Variants in ELAPOR1 observed in about 807,000 individuals in gnomAD.
ELAPOR1 encodes the protein endosome-lysosome associated apoptosis and autophagy regulator 1, also known as endosome/lysosome-associated apoptosis and autophagy regulator 1.
ELAPOR1 carries 77 observed loss-of-function variants against 119.7 expected under a neutral mutation model. The ratio of observed to expected loss-of-function variants is 0.64; its 90% CI spans 0.54 to 0.78. The LOEUF (loss-of-function observed/expected upper bound fraction) is 0.78. ELAPOR1 is among the 30% of genes least tolerant of loss of function. The probability of loss-of-function intolerance (pLI) is 0.00; values close to 1 mark genes in which losing one functional copy is unlikely to be tolerated. For synonymous variants in ELAPOR1, 481 were observed against 487.2 expected, an observed-to-expected ratio of 0.99 and a Z score of 0.17; for missense variants, 1,115 against 1,270.4, an observed-to-expected ratio of 0.88 and a Z score of 1.86.
chr1:109,144,080 A>G, intron 1 of ELAPOR1, among the ~76,000 whole-genome samples: 1 of 54,326 alleles, frequency 1.8e-5, no homozygotes, highest in Non-Finnish European at 3.5e-5. Context: ...TTTTTTTGAG[A>G]TGGAGTTTCG....
intron 7 of ELAPOR1, among the ~76,000 whole-genome samples, chr1:109,174,564 G>A (rs1652144853): frequency 6.6e-6 from 1 of 151,532 alleles, no homozygotes; most frequent in South Asian, 2.1e-4. Context: ...ACATTCGGGG[G>A]TGGGGGGAAG....
intron 19 of ELAPOR1, 24 bp downstream of exon 19, chr1:109,200,004 C>A: frequency 6.2e-7 from 1 of 1,613,844 alleles, no homozygotes; most frequent in African/African-American, 1.3e-5. Context: ...TGATCGGGCA[C>A]TTCCATGAGA....
intron 1 of ELAPOR1, among the ~76,000 whole-genome samples, chr1:109,153,004 A>G (rs1650634364): frequency 6.6e-6 from 1 of 151,494 alleles, no homozygotes; most frequent in South Asian, 2.1e-4. Flanking sequence ...ATGAAAAATG[A>G]CAGTCTCATG....
chr1:109,195,503 A>ACC (rs1653734866), intron 15 of ELAPOR1, among the ~76,000 whole-genome samples: 1 of 151,438 alleles, frequency 6.6e-6, no homozygotes. Flanking sequence ...CAAAAAAAAA[A>ACC]AAAAACAAAA....
intron 7 of ELAPOR1, among the ~76,000 whole-genome samples, chr1:109,178,981 T>C (rs1280153538): frequency 1.4e-5 from 2 of 142,950 alleles, no homozygotes; most frequent in Non-Finnish European, 1.5e-5. Context: ...AAAAAGAATG[T>C]AGTGGAGGCA....
At position 109,161,960 on chromosome 1, in the gene ELAPOR1, C is replaced by T; in HGVS notation, c.220C>T (p.His74Tyr). Reference protein sequence around the residue: ...TGSRWRVAVPHTPGLCTSLPD... With the variant: ...TGSRWRVAVPYTPGLCTSLPD... Reference sequence around the variant, plus strand: ...TTCCAGGTGGAGGGTCGCCGTGCCGCATACCCCGGGCCTGTGCACCAGCCT... The same window carrying T: ...TTCCAGGTGGAGGGTCGCCGTGCCGTATACCCCGGGCCTGTGCACCAGCCT... Residue 74 changes from histidine to tyrosine, a missense_variant, in exon 2 of 22, where the codon CAT becomes TAT. Coordinates refer to ENST00000369939, the MANE Select transcript of ELAPOR1 (RefSeq NM_020775.5). The T allele has an allele frequency of 1.9e-6, 3 of 1,614,058 alleles. No homozygotes were observed. The highest frequency in any genetic ancestry group is 2.5e-6 in the Non-Finnish European group (3 of 1,179,936).
intron 1 of ELAPOR1, among the ~76,000 whole-genome samples, chr1:109,158,980 C>T (rs780390332): frequency 1.3e-5 from 2 of 151,572 alleles, no homozygotes; most frequent in Non-Finnish European, 2.9e-5. Flanking sequence ...GCAACCTCTG[C>T]CCCCACTCCC....
At chr1:109,161,860 A>T (rs775412115) in intron 1 of ELAPOR1, 34 bp from the exon 2 acceptor site, 4 of 1,590,404 alleles carry the variant, frequency 2.5e-6, no homozygotes, top group Non-Finnish European at 3.4e-6. Flanking sequence ...ATCACTGCTA[A>T]TGCACATTTC....
chr1:109,159,695 C>G (rs994893016), intron 1 of ELAPOR1, among the ~76,000 whole-genome samples: 2 of 152,170 alleles, frequency 1.3e-5, no homozygotes, highest in Non-Finnish European at 2.9e-5. Context: ...TTTGGACAAG[C>G]TATCACACCA....
intron 1 of ELAPOR1, among the ~76,000 whole-genome samples, chr1:109,136,662 T>G (rs1649491097): frequency 6.6e-6 from 1 of 152,194 alleles, no homozygotes; most frequent in Non-Finnish European, 1.5e-5. Flanking sequence ...ATTGTGCTTG[T>G]GATTTAAAAA....
chr1:109,171,823 G>A, intron 3 of ELAPOR1, 43 bp from the exon 4 acceptor site: 1 of 1,606,960 alleles, frequency 6.2e-7, no homozygotes. Context: ...AAGCCTGGTG[G>A]GCTGTGCTCC....
intron 18 of ELAPOR1, among the ~76,000 whole-genome samples, chr1:109,199,436 G>A (rs1233091556): frequency 6.6e-6 from 1 of 152,124 alleles, no homozygotes; most frequent in African/African-American, 2.4e-5. Context: ...TACATAACAG[G>A]TATCCATACC....
chr1:109,171,204 T>C (rs1651900615), intron 3 of ELAPOR1, among the ~76,000 whole-genome samples: 1 of 152,088 alleles, frequency 6.6e-6, no homozygotes, highest in Admixed American at 6.6e-5. Context: ...AAATCATGAA[T>C]ATAAAGCACG....
chr1:109,197,910 T>C, intron 16 of ELAPOR1, 69 bp from the exon 17 acceptor site: 2 of 1,312,846 alleles, frequency 1.5e-6, no homozygotes, highest in Non-Finnish European at 2.2e-6. Context: ...TTGACAGGTA[T>C]TGGAAGAATT....
chr1:109,130,843 A>G (rs1165427889), intron 1 of ELAPOR1, among the ~76,000 whole-genome samples: 1 of 152,146 alleles, frequency 6.6e-6, no homozygotes, highest in Non-Finnish European at 1.5e-5. Flanking sequence ...AATAACAAAC[A>G]TTTATTAATA....
intron 4 of ELAPOR1, among the ~76,000 whole-genome samples, 179 bp from the exon 5 acceptor site, chr1:109,172,309 T>C (rs1057263514): frequency 2.0e-5 from 3 of 152,226 alleles, no homozygotes; most frequent in Admixed American, 6.5e-5. Flanking sequence ...GCTCATTTTG[T>C]GTGTGTGACT....
chr1:109,194,958 A>G (rs2101124474), intron 15 of ELAPOR1, among the ~76,000 whole-genome samples: 3 of 152,014 alleles, frequency 2.0e-5, no homozygotes, highest in Middle Eastern at 6.8e-3. Flanking sequence ...AAATACAAAA[A>G]AATTAGCTGG....
intron 1 of ELAPOR1, among the ~76,000 whole-genome samples, chr1:109,155,342 A>AT (rs1246045275): frequency 6.6e-6 from 1 of 151,750 alleles, no homozygotes; most frequent in Non-Finnish European, 1.5e-5. Context: ...CGCCCGGCTA[A>AT]TTTTTTTCTG....
chr1:109,197,407 T>A, intron 15 of ELAPOR1, 67 bp from the exon 16 acceptor site: 1 of 1,424,996 alleles, frequency 7.0e-7, no homozygotes, highest in African/African-American at 1.4e-5. Flanking sequence ...CCTTCCCTAT[T>A]CCCTTCTGGG....
Sources: allele counts gnomAD v4.1 joint callset (sites outside exome capture counted in the v4.1 genomes callset), GRCh38; gene constraint gnomAD v4.1.1; transcripts MANE v1.5; gene names NCBI Gene and HGNC (gene_info 2026-07-23, HGNC 2026-07-21).